The following PLEKHH1 variants were observed in gnomAD, a reference collection of about 807,000 sequenced individuals.
The protein encoded by PLEKHH1 is pleckstrin homology, MyTH4 and FERM domain containing H1.
A neutral mutation model predicts 160.0 loss-of-function variants in PLEKHH1; 104 were observed. That is an observed-to-expected ratio of 0.65 (90% CI 0.55 to 0.76). The LOEUF (loss-of-function observed/expected upper bound fraction) is 0.76. PLEKHH1 is among the 30% of genes least tolerant of loss of function. The probability of loss-of-function intolerance (pLI) is 0.00; values close to 1 mark genes in which losing one functional copy is unlikely to be tolerated. For synonymous variants in PLEKHH1, 619 were observed against 678.4 expected (o/e 0.91, Z 1.36); for missense variants, 1,427 against 1,724.1 (o/e 0.83, Z 3.05).
At chr14:67,550,675 G>T (rs113845751) in intron 2 of PLEKHH1, among the ~76,000 whole-genome samples, 2,332 of 152,298 alleles carry the variant, frequency 0.015, 71 homozygotes, top group African/African-American at 0.053. Flanking sequence ...TAATGCTAGT[G>T]TGGCCAGATC....
chr14:67,560,985 C>T (rs934012789), intron 5 of PLEKHH1, among the ~76,000 whole-genome samples: 1 of 152,172 alleles, frequency 6.6e-6, no homozygotes. Flanking sequence ...CCCGCCTCAG[C>T]CTCCCAAAGT....
intron 7 of PLEKHH1, 63 bp downstream of exon 7, chr14:67,562,957 A>T: frequency 2.0e-6 from 3 of 1,511,102 alleles, no homozygotes; most frequent in Non-Finnish European, 2.7e-6. Context: ...CTGCTGGCTG[A>T]GCACAGCCAT....
At chr14:67,544,552 A>T (rs1436356853) in intron 2 of PLEKHH1, among the ~76,000 whole-genome samples, 2 of 152,260 alleles carry the variant, frequency 1.3e-5, no homozygotes, top group African/African-American at 4.8e-5. Flanking sequence ...TAGATCCCCA[A>T]CAACTTCTAA....
In PLEKHH1 at chr14:67,575,856, C is replaced by A. The variant is rs186582399; in HGVS notation, c.2203C>A (p.His735Asn). 1,310 of 1,613,850 alleles carry A rather than the reference C, an allele frequency of 8.1e-4. 17 individuals are homozygous for A. The African/African-American group carries it at 0.016, about 19-fold the overall frequency. ...PLGCLPVRDAHIEEVDRSCDS... is the reference protein window; with the variant it reads ...PLGCLPVRDANIEEVDRSCDS... The stretch of plus-strand genomic sequence containing the variant: ...GGGCTGCCTGCCTGTGCGGGATGCG[C>A]ACATAGAGGAAGTAGATCGATCCTG... Residue 735 changes from histidine (H) to asparagine (N), a missense_variant, in exon 16 of 29, where the codon CAC (histidine) becomes AAC (asparagine). His to Asn is a moderately conservative substitution (Grantham distance 68). This residue lies in a region of PLEKHH1 where 831 missense variants were observed against 929.2 expected (regional missense o/e 0.89). Coordinates refer to ENST00000329153, the MANE Select transcript of PLEKHH1 (RefSeq NM_020715.3).
rs2035478423 is a variant in PLEKHH1 at position 67,573,398 on chromosome 14, C to T, written c.1839+12C>T. 1 of 1,480,338 alleles carries T rather than the reference C, an allele frequency of 6.8e-7. No individual in the cohort carries two copies. Among genetic ancestry groups the T allele is most frequent in the Non-Finnish European group, 9.5e-7 (1 of 1,058,174 alleles). 91.7% of individuals were successfully genotyped at this position (1,480,338 alleles called of 1,614,324 possible). A position where few individuals can be genotyped will look rare whatever the true frequency, so the allele number is the denominator to read the frequency against. ...ACTACAAGTCCCCGGTGAGAGTCTCCCCGCCCAGCACTGCAGTCAAAAGGT... is the reference window on the plus strand; with the variant it reads ...ACTACAAGTCCCCGGTGAGAGTCTCTCCGCCCAGCACTGCAGTCAAAAGGT... On this transcript the variant is annotated intron_variant, in intron 12 of 28. Transcript: ENST00000329153. The surrounding 1 kb of genome is among the most constrained non-coding windows in gnomAD (Gnocchi z 4.8).
intron 28 of PLEKHH1, 24 bp downstream of exon 28, chr14:67,586,121 G>A (rs368943983): frequency 9.9e-6 from 16 of 1,612,284 alleles, no homozygotes; most frequent in Non-Finnish European, 1.2e-5. Context: ...CTGTTAAAAC[G>A]TTCTACTCTG....
In PLEKHH1 at chr14:67,574,875, A is replaced by T. The variant is rs2035551710; in HGVS notation, c.2088+472A>T. Among the ~76,000 whole-genome samples, 1 of 152,242 alleles carries T rather than the reference A, an allele frequency of 6.6e-6. No individual in the cohort carries two copies. Among genetic ancestry groups the T allele is most frequent in the Non-Finnish European group, 1.5e-5 (1 of 68,048 alleles). ...AGAAAATGGAAGTTAACAAGGAAGT[A>T]CATTAGCTAGACCAGAACACCAGCA... On this transcript the variant is annotated intron_variant, in intron 14 of 28. Transcript: ENST00000329153. This position sits in a 1 kb window ranked among gnomAD's most constrained non-coding sequence, Gnocchi z 4.2.
Position 67,576,813 on chromosome 14 carries a change from TC to T in PLEKHH1, c.2461+311del, listed in dbSNP as rs2035642169. Among the ~76,000 whole-genome samples the T allele has an allele frequency of 6.6e-6, 1 of 152,182 alleles. No homozygotes were observed. Among genetic ancestry groups the T allele is most frequent in the Non-Finnish European group, 1.5e-5 (1 of 68,032 alleles). On this transcript the variant is annotated intron_variant, in intron 17 of 28. Transcript: ENST00000329153. This position sits in a 1 kb window ranked among gnomAD's most constrained non-coding sequence, Gnocchi z 4.0. ...CTGAGGAAAGAAGGTAGCTGGTTAATCTATAGTTAGAGTTTGTAAATCAACA... is the reference window on the plus strand; with the variant it reads ...CTGAGGAAAGAAGGTAGCTGGTTAATTATAGTTAGAGTTTGTAAATCAACA...
intron 1 of PLEKHH1, among the ~76,000 whole-genome samples, chr14:67,540,415 C>G: frequency 6.6e-6 from 1 of 151,980 alleles, no homozygotes; most frequent in Non-Finnish European, 1.5e-5. Context: ...CACTTGAGGC[C>G]AGGAGTTCAA....
intron 1 of PLEKHH1, among the ~76,000 whole-genome samples, chr14:67,537,266 C>T (rs928885886): frequency 1.4e-5 from 2 of 147,694 alleles, no homozygotes; most frequent in African/African-American, 5.1e-5. Flanking sequence ...ATTATTTGAA[C>T]CCGGGAGGCG....
At position 67,575,875 on chromosome 14, in the gene PLEKHH1, G is replaced by A. The variant is rs548781748; in HGVS notation, c.2222G>A (p.Arg741Gln). 11 of 1,613,950 alleles carry A rather than the reference G, an allele frequency of 6.8e-6. No homozygotes were observed. In the African/African-American group the frequency reaches 1.2e-4, roughly 18 times the overall value. The stretch of plus-strand genomic sequence containing the variant: ...GATGCGCACATAGAGGAAGTAGATC[G>A]ATCCTGTGACTCAGACGAGGACTAT... ...VRDAHIEEVD[R>Q]SCDSDEDYEA... The change falls in exon 16 of 29, where the codon CGA (arginine) becomes CAA (glutamine). Residue 741 changes from arginine (R) to glutamine (Q), a missense_variant. Arg to Gln is a conservative substitution (Grantham distance 43). This residue lies in a region of PLEKHH1 where 831 missense variants were observed against 929.2 expected (regional missense o/e 0.89). Transcript: ENST00000329153.
chr14:67,573,734 G>T lies in PLEKHH1; in HGVS notation c.1840-67G>T. On this transcript the variant is annotated intron_variant, in intron 12 of 28. Transcript: ENST00000329153. This position sits in a 1 kb window ranked among gnomAD's most constrained non-coding sequence, Gnocchi z 4.8. ...GCTTATGACGTGGAGGAAGATCTGA[G>T]GGTAAATGAGGTGCTCCGGAAAGGC... 1 of 998,036 alleles carries T rather than the reference G, an allele frequency of 1.0e-6. No homozygotes were observed. The highest frequency in any genetic ancestry group is 1.3e-5 in the South Asian group (1 of 78,562). The allele number at this position is 998,036 out of a possible 1,614,324, so 61.8% of individuals were successfully genotyped here. A position where few individuals can be genotyped will look rare whatever the true frequency, so the allele number is the denominator to read the frequency against.
At chr14:67,550,415 C>T (rs1043779274) in intron 2 of PLEKHH1, among the ~76,000 whole-genome samples, 4 of 152,198 alleles carry the variant, frequency 2.6e-5, no homozygotes, top group African/African-American at 7.2e-5. Context: ...TCTCCAAGTC[C>T]TGAGCTCAAG....
At chr14:67,566,752 A>C (rs1594770911) in intron 7 of PLEKHH1, among the ~76,000 whole-genome samples, 1 of 114,536 alleles carries the variant, frequency 8.7e-6, no homozygotes, top group East Asian at 3.7e-4. Context: ...CTGTCTTGAA[A>C]AAAAAAAAAA....
intron 4 of PLEKHH1, among the ~76,000 whole-genome samples, chr14:67,558,318 T>C (rs1242504407): frequency 1.3e-5 from 2 of 152,196 alleles, no homozygotes; most frequent in African/African-American, 4.8e-5. Flanking sequence ...GAGAAGCCGA[T>C]CCTGGTGGTG....
Position 67,574,380 on chromosome 14 carries a change from A to C in PLEKHH1, c.2065A>C (p.Thr689Pro). Residue 689 changes from threonine to proline, a missense_variant, in exon 14 of 29, where the codon ACC (threonine) becomes CCC (proline). Physicochemically the swap from Thr to Pro is conservative, Grantham distance 38 (BLOSUM62 -1). This residue lies in a region of PLEKHH1 where 831 missense variants were observed against 929.2 expected (regional missense o/e 0.89). Coordinates refer to ENST00000329153, the MANE Select transcript of PLEKHH1 (RefSeq NM_020715.3). The surrounding 1 kb of genome is among the most constrained non-coding windows in gnomAD (Gnocchi z 4.2). ...TCTGCTTCGGGGTGGCACCAAGCCC[A>C]CCGTGAAGGGCTGGCTGACCAAGGT... is the stretch of plus-strand genomic sequence containing the variant. ...PALLRGGTKP[T>P]VKGWLTKVKH... 1 of 1,584,922 alleles carries C rather than the reference A, an allele frequency of 6.3e-7. No individual in the cohort carries two copies. The highest frequency in any genetic ancestry group is 8.6e-7 in the Non-Finnish European group (1 of 1,165,968).
At chr14:67,550,621 G>A (rs1481417045) in intron 2 of PLEKHH1, among the ~76,000 whole-genome samples, 1 of 152,232 alleles carries the variant, frequency 6.6e-6, no homozygotes, top group Non-Finnish European at 1.5e-5. Flanking sequence ...GAAAACGTGA[G>A]GGGAAGGGCT....
chr14:67,562,211 G>A lies in PLEKHH1; in HGVS notation c.580G>A (p.Glu194Lys). 6.2e-7 allele frequency: 1 copy of A among 1,611,886 alleles called. No homozygotes were observed. The highest frequency in any genetic ancestry group is 1.1e-5 in the South Asian group (1 of 90,710). ...TGCAGAGCAGGATTCTGTCCCTTCA[G>A]AGCCGGGAATCCAGCCTATGGGCCA... ...GAAEQDSVPS[E>K]PGIQPMGQDS... Residue 194 changes from glutamate (E) to lysine (K), a missense_variant, in exon 7 of 29, where the codon GAG becomes AAG. This residue lies in a region of PLEKHH1 where 831 missense variants were observed against 929.2 expected (regional missense o/e 0.89). Transcript: ENST00000329153.
intron 11 of PLEKHH1, among the ~76,000 whole-genome samples, chr14:67,572,933 A>G (rs141428652): frequency 2.4e-4 from 36 of 152,094 alleles, no homozygotes; most frequent in African/African-American, 7.7e-4. Context: ...TTTGAGGGAG[A>G]GGCTGAACTA....
Sources: allele counts gnomAD v4.1 joint callset (sites outside exome capture counted in the v4.1 genomes callset), GRCh38; gene constraint gnomAD v4.1.1; regional missense constraint gnomAD v4.1.1; non-coding constraint Gnocchi (gnomAD v3.1); transcripts MANE v1.5; gene names NCBI Gene and HGNC (gene_info 2026-07-23, HGNC 2026-07-21).